Variants in CIROZ observed in about 807,000 individuals in gnomAD.
CIROZ encodes ciliated left-right organizer ZP-N domains-containing protein.
At chr1:10,982,061 T>C in the CIROZ span, 1 of 1,537,166 alleles carries the variant, frequency 6.5e-7, no homozygotes, top group Non-Finnish European at 8.7e-7. Flanking sequence ...AGCTCTCTCC[T>C]GCCCTGGGAG....
At chr1:10,948,288 G>A in the CIROZ span, 12 of 1,613,858 alleles carry the variant, frequency 7.4e-6, no homozygotes, top group Middle Eastern at 1.6e-4. Context: ...TCCAGAGCAC[G>A]TTTCCTGGGG....
At chr1:10,969,892 G>C in the CIROZ span, 1 of 1,447,036 alleles carries the variant, frequency 6.9e-7, no homozygotes. Context: ...AGAGCCATGG[G>C]GGAGGAGCAT....
At chr1:10,973,237 G>A in the CIROZ span, among the ~76,000 whole-genome samples, 1 of 152,168 alleles carries the variant, frequency 6.6e-6, no homozygotes, top group African/African-American at 2.4e-5. Flanking sequence ...GCTGGGCGTG[G>A]TTGCGGGTGC....
the CIROZ span, chr1:10,964,016 C>T: frequency 7.4e-7 from 1 of 1,357,034 alleles, no homozygotes; most frequent in Admixed American, 2.4e-5. Context: ...CCACCTGTCT[C>T]CCTGGGCCAC....
chr1:10,954,933 AAGG>A, the CIROZ span: 5 of 1,517,906 alleles, frequency 3.3e-6, no homozygotes, highest in African/African-American at 6.9e-5. Context: ...TCGGTGACCA[AAGG>A]AGAAGGGCCT....
At chr1:10,947,517 TCA>T in the CIROZ span, 1 of 634,120 alleles carries the variant, frequency 1.6e-6, no homozygotes, top group Non-Finnish European at 2.4e-6. Flanking sequence ...AGCACAGTGA[TCA>T]TCTGGGCCAG....
the CIROZ span, chr1:10,976,389 G>C: frequency 3.1e-6 from 2 of 642,256 alleles, no homozygotes; most frequent in African/African-American, 1.8e-5. Flanking sequence ...TGGCTGGAGT[G>C]CAGTGGCGCG....
At chr1:10,953,017 C>G in the CIROZ span, among the ~76,000 whole-genome samples, 1 of 152,180 alleles carries the variant, frequency 6.6e-6, no homozygotes, top group East Asian at 1.9e-4. Flanking sequence ...ATAAAAACAG[C>G]CAAAATGTGT....
the CIROZ span, among the ~76,000 whole-genome samples, chr1:10,954,319 T>C: frequency 6.6e-6 from 1 of 151,812 alleles, no homozygotes; most frequent in Non-Finnish European, 1.5e-5. Context: ...CTGGGCGTGG[T>C]GGTGGGCACC....
At chr1:10,953,728 G>A in the CIROZ span, among the ~76,000 whole-genome samples, 17 of 152,318 alleles carry the variant, frequency 1.1e-4, no homozygotes, top group East Asian at 3.1e-3. Flanking sequence ...AACTCACTGA[G>A]GTTGTACGGT....
At chr1:10,968,302 TATTTTTAAAGC>T in the CIROZ span, among the ~76,000 whole-genome samples, 74 of 152,370 alleles carry the variant, frequency 4.9e-4, no homozygotes, top group East Asian at 0.011. Context: ...CTGTCATGAT[TATTTTTAAAGC>T]ATTTTTAAAG....
the CIROZ span, chr1:10,970,165 G>C: frequency 7.6e-7 from 1 of 1,320,822 alleles, no homozygotes; most frequent in Non-Finnish European, 1.0e-6. Flanking sequence ...AGAAAGGAAG[G>C]AAGGAAGGAA....
chr1:10,975,069 C>G, the CIROZ span, among the ~76,000 whole-genome samples: 37,485 of 151,912 alleles, frequency 0.25, 4,833 homozygotes, highest in African/African-American at 0.3. Context: ...GTCAAGAGTT[C>G]AAGATCAGCC....
At chr1:10,960,801 G>A in the CIROZ span, among the ~76,000 whole-genome samples, 366 of 152,286 alleles carry the variant, frequency 2.4e-3, 2 homozygotes, top group Middle Eastern at 0.014. The surrounding 1 kb of genome is among the most constrained non-coding windows in gnomAD (Gnocchi z 4.6). Context: ...CCGGTGAAAC[G>A]GCTTTAATTA....
the CIROZ span, among the ~76,000 whole-genome samples, chr1:10,971,057 G>A: frequency 4.8e-5 from 7 of 145,306 alleles, no homozygotes; most frequent in Non-Finnish European, 9.0e-5. Flanking sequence ...GAGGTGAGGC[G>A]GAAAGACTGT....
the CIROZ span, among the ~76,000 whole-genome samples, chr1:10,970,942 C>T: frequency 4.0e-5 from 6 of 148,642 alleles, no homozygotes; most frequent in Admixed American, 3.4e-4. Context: ...CTCAGAAGTT[C>T]GAGACCAGCC....
At chr1:10,954,464 A>G in the CIROZ span, among the ~76,000 whole-genome samples, 6 of 115,688 alleles carry the variant, frequency 5.2e-5, no homozygotes, top group South Asian at 3.9e-4. Flanking sequence ...AAAAAAAAAA[A>G]AAAGAAAAGA....
At chr1:10,949,547 G>C in the CIROZ span, 50 of 1,509,890 alleles carry the variant, frequency 3.3e-5, no homozygotes, top group Non-Finnish European at 4.2e-5. Flanking sequence ...CTCAGGCCCA[G>C]CTGGGTCTAC....
At chr1:10,951,745 A>AAAAAAATATATATATATATAT in the CIROZ span, among the ~76,000 whole-genome samples, 3 of 119,206 alleles carry the variant, frequency 2.5e-5, no homozygotes, top group African/African-American at 1.1e-4. Context: ...AAAAAAAAAA[A>AAAAAAATATATATATATATAT]ATATATATAT....
Sources: allele counts gnomAD v4.1 joint callset (sites outside exome capture counted in the v4.1 genomes callset), GRCh38; gene constraint gnomAD v4.1.1; non-coding constraint Gnocchi (gnomAD v3.1); transcripts MANE v1.5; gene names NCBI Gene and HGNC (gene_info 2026-07-23, HGNC 2026-07-21).